The following MOB1B variants were observed in gnomAD, a reference collection of about 807,000 sequenced individuals.
The protein encoded by MOB1B is MOB1 Mps One Binder homolog B.
MOB1B carries 19 observed loss-of-function variants against 24.4 expected under a neutral mutation model. That is an observed-to-expected ratio of 0.78 (90% confidence interval 0.54 to 1.14). The LOEUF (loss-of-function observed/expected upper bound fraction) is 1.14. MOB1B is among the 50% of genes most tolerant of loss of function. MOB1B has a pLI of 0.00. For missense variants in MOB1B, 243 were observed against 259.6 expected, an observed-to-expected ratio of 0.94 and a Z score of 0.44; for synonymous variants, 76 against 82.1, an observed-to-expected ratio of 0.93 and a Z score of 0.40.
At chr4:70,925,622 A>G (rs1295392997) in intron 1 of MOB1B, among the ~76,000 whole-genome samples, 4 of 151,632 alleles carry the variant, frequency 2.6e-5, no homozygotes, top group African/African-American at 9.7e-5. Context: ...ACCTAGGAGT[A>G]TGTTTGAAAT....
chr4:70,947,847 G>C (rs1486178844), intron 1 of MOB1B, among the ~76,000 whole-genome samples: 2 of 152,180 alleles, frequency 1.3e-5, no homozygotes, highest in Admixed American at 6.5e-5. Flanking sequence ...GAGATGAAGT[G>C]ATCTGCCTAC....
intron 3 of MOB1B, among the ~76,000 whole-genome samples, chr4:70,971,504 CAAA>C (rs906280735): frequency 1.1e-4 from 7 of 64,820 alleles, no homozygotes; most frequent in Admixed American, 1.9e-4. Flanking sequence ...GACTCTGTCT[CAAA>C]AAAAAAAAAA....
chr4:70,980,249 C>T (rs1287060258), intron 5 of MOB1B, among the ~76,000 whole-genome samples: 1 of 152,172 alleles, frequency 6.6e-6, no homozygotes, highest in African/African-American at 2.4e-5. Context: ...TCAACAGTTA[C>T]TTTACTGTGG....
chr4:70,916,971 T>C (rs1182975483), intron 1 of MOB1B, among the ~76,000 whole-genome samples: 1 of 152,232 alleles, frequency 6.6e-6, no homozygotes, highest in African/African-American at 2.4e-5. Flanking sequence ...CCATTATAAC[T>C]TTCACAGGAG....
At chr4:70,939,794 G>A (rs909636101) in intron 1 of MOB1B, among the ~76,000 whole-genome samples, 1 of 152,204 alleles carries the variant, frequency 6.6e-6, no homozygotes, top group African/African-American at 2.4e-5. Flanking sequence ...TGCCTAACAA[G>A]GACAGAGAGT....
intron 1 of MOB1B, among the ~76,000 whole-genome samples, chr4:70,942,370 C>G (rs1008247056): frequency 5.3e-5 from 8 of 151,448 alleles, no homozygotes; most frequent in African/African-American, 1.9e-4. Flanking sequence ...AGTGGAATTG[C>G]CATTTAATAA....
chr4:70,936,005 C>G (rs1330241856), intron 1 of MOB1B, among the ~76,000 whole-genome samples: 19 of 151,932 alleles, frequency 1.3e-4, no homozygotes, highest in Non-Finnish European at 7.4e-5. Flanking sequence ...GCGCCCACCA[C>G]TACGCCCGGC....
At chr4:70,973,947 C>T (rs751070212) in intron 3 of MOB1B, among the ~76,000 whole-genome samples, 26 of 152,332 alleles carry the variant, frequency 1.7e-4, no homozygotes, top group East Asian at 3.9e-4. Context: ...ATATTGTCAT[C>T]TCCTTTCCCA....
In MOB1B at chr4:70,958,973, T is replaced by G; in HGVS notation, c.114T>G (p.Ser38Arg). The G allele has an allele frequency of 6.2e-7, 1 of 1,614,164 alleles. No individual in the cohort carries two copies. The highest frequency in any genetic ancestry group is 1.3e-5 in the African/African-American group (1 of 75,044). ...LLKHAEATLG[S>R]GNLRMAVMLP... The stretch of plus-strand genomic sequence containing the variant: ...AACACGCAGAAGCCACACTTGGCAG[T>G]GGCAACCTTCGGATGGCTGTCATGC... The change falls in exon 2 of 6, where the codon AGT becomes AGG. Residue 38 changes from serine to arginine, a missense_variant. Ser to Arg is a moderately radical substitution (Grantham distance 110). Coordinates refer to ENST00000309395, the MANE Select transcript of MOB1B (RefSeq NM_173468.4).
chr4:70,968,640 G>A (rs1397436591), intron 2 of MOB1B, among the ~76,000 whole-genome samples: 1 of 152,058 alleles, frequency 6.6e-6, no homozygotes, highest in Non-Finnish European at 1.5e-5. Context: ...TTTGAGACAA[G>A]GTCTCGTTCT....
intron 1 of MOB1B, among the ~76,000 whole-genome samples, chr4:70,934,382 G>A (rs556810294): frequency 3.3e-5 from 5 of 151,768 alleles, no homozygotes; most frequent in South Asian, 4.2e-4. Flanking sequence ...CACTGTGCCC[G>A]GCCCCATTCT....
In MOB1B at chr4:70,986,074, T is replaced by G. The variant is rs1275707574; in HGVS notation, c.*4017T>G. 6.6e-6 allele frequency: 1 copy of G among 152,226 alleles called. No homozygotes were observed. The highest frequency in any genetic ancestry group is 1.5e-5 in the Non-Finnish European group (1 of 68,036). The allele number at this position is 152,226 out of a possible 1,614,324, so 9.4% of individuals were successfully genotyped here. On this transcript the variant is annotated 3_prime_UTR_variant, in exon 6 of 6. Coordinates refer to ENST00000309395, the MANE Select transcript of MOB1B (RefSeq NM_173468.4). ...GCTTAATTACCTTACCTTAATTACCTTAGTTAGATATACTAATGGAAAAAA... is the reference window on the plus strand; with the variant it reads ...GCTTAATTACCTTACCTTAATTACCGTAGTTAGATATACTAATGGAAAAAA...
chr4:70,973,592 G>A (rs1186451902), intron 3 of MOB1B, among the ~76,000 whole-genome samples: 12 of 151,968 alleles, frequency 7.9e-5, no homozygotes, highest in Non-Finnish European at 1.6e-4. Context: ...GAACTTTAGT[G>A]TTTTATTAGA....
intron 1 of MOB1B, among the ~76,000 whole-genome samples, chr4:70,914,691 C>T (rs1167980744): frequency 1.3e-5 from 2 of 152,220 alleles, no homozygotes; most frequent in Non-Finnish European, 2.9e-5. Flanking sequence ...TAGCCTTCTC[C>T]TTTCCTATGT....
At chr4:70,911,446 A>T (rs1394728014) in intron 1 of MOB1B, among the ~76,000 whole-genome samples, 1 of 151,798 alleles carries the variant, frequency 6.6e-6, no homozygotes, top group Non-Finnish European at 1.5e-5. Flanking sequence ...ATCCTTTTTA[A>T]TATGTTGTAT....
At chr4:70,931,078 C>A (rs1414011585) in intron 1 of MOB1B, among the ~76,000 whole-genome samples, 4 of 150,588 alleles carry the variant, frequency 2.7e-5, no homozygotes, top group African/African-American at 4.9e-5. Flanking sequence ...CACTGATAAC[C>A]ACTAGCTGCT....
At chr4:70,967,135 C>CTT (rs770941725) in intron 2 of MOB1B, among the ~76,000 whole-genome samples, 55 of 139,746 alleles carry the variant, frequency 3.9e-4, no homozygotes, top group African/African-American at 1.4e-3. Flanking sequence ...TTACTGGAGT[C>CTT]TTTTTTTTTT....
At chr4:70,971,296 G>A (rs141795420) in intron 3 of MOB1B, among the ~76,000 whole-genome samples, 224 of 152,188 alleles carry the variant, frequency 1.5e-3, no homozygotes, top group African/African-American at 5.2e-3. Context: ...ACCTGAGATC[G>A]GGAGGTTGAG....
intron 1 of MOB1B, among the ~76,000 whole-genome samples, chr4:70,924,926 A>T (rs926319705): frequency 1.3e-5 from 2 of 152,228 alleles, no homozygotes; most frequent in Admixed American, 1.3e-4. Context: ...AACATTTTTT[A>T]AAAATTATAT....
Sources: allele counts gnomAD v4.1 joint callset (sites outside exome capture counted in the v4.1 genomes callset), GRCh38; gene constraint gnomAD v4.1.1; transcripts MANE v1.5; gene names NCBI Gene and HGNC (gene_info 2026-07-23, HGNC 2026-07-21).